Variants in PAX6 observed in about 807,000 individuals in gnomAD.
The protein encoded by PAX6 is paired box protein Pax-6.
A neutral mutation model predicts 60.7 loss-of-function variants in PAX6; 7 were observed. The ratio of observed to expected loss-of-function variants is 0.12; its 90% confidence interval spans 0.07 to 0.22. PAX6 has a LOEUF of 0.22. Among genes scored for constraint, PAX6 ranks in the 10% least tolerant of loss-of-function variants. PAX6 has a pLI of 1.00. For synonymous variants in PAX6, 208 were observed against 201.2 expected (o/e 1.03, Z -0.29); for missense variants, 355 against 555.2 (o/e 0.64, Z 3.62).
Position 31,802,790 on chromosome 11 carries a change from G to T in PAX6, c.55C>A (p.Arg19=), listed in dbSNP as rs1263617876. ...TGCCGGGTGGAGTCCGGCAGTGGCC[G>T]CCCGTTGACAAAGACACCACCGAGC... The part of the protein sequence containing the change: ...NQLGGVFVNG[R]PLPDSTRQKI... Residue 19 remains arginine (R), a synonymous_variant, in exon 5 of 14, where the codon CGG becomes AGG. Transcript: ENST00000640368. The T allele has an allele frequency of 3.1e-6, 5 of 1,613,840 alleles. No individual in the cohort carries two copies. In the African/African-American group the frequency reaches 4.0e-5, roughly 13 times the overall value.
chr11:31,791,129 A>C (rs1029130263), intron 12 of PAX6: 1 of 526,000 alleles, frequency 1.9e-6, no homozygotes, highest in Non-Finnish European at 3.5e-6. Context: ...GCCACTATCC[A>C]TAAATTAATA....
chr11:31,797,207 C>T (rs904756172), intron 8 of PAX6, among the ~76,000 whole-genome samples: 3 of 152,030 alleles, frequency 2.0e-5, no homozygotes, highest in African/African-American at 7.2e-5. Flanking sequence ...CCATGCCTTC[C>T]TAGGGGCCCC....
chr11:31,793,843 G>A lies in PAX6; in HGVS notation c.808-41C>T, dbSNP rs368582678. The A allele has an allele frequency of 2.2e-4, 353 of 1,613,044 alleles. 1 individual carries two copies. In the South Asian group the frequency reaches 3.4e-3, roughly 15 times the overall value. Reference sequence around the variant, plus strand: ...GACAGGTTAGCACTGTGTCTACGTCGAGCCCAGCCCCACCTTGGCACCTCC... The same window carrying A: ...GACAGGTTAGCACTGTGTCTACGTCAAGCCCAGCCCCACCTTGGCACCTCC... On this transcript the variant is annotated intron_variant, in intron 10 of 13. Coordinates refer to ENST00000640368, the MANE Select transcript of PAX6 (RefSeq NM_001368894.2).
chr11:31,796,136 G>T (rs190480856), intron 8 of PAX6, among the ~76,000 whole-genome samples: 69 of 152,338 alleles, frequency 4.5e-4, no homozygotes, highest in Middle Eastern at 6.8e-3. Flanking sequence ...CATCGGCACT[G>T]GCCACCATAT....
At chr11:31,817,197 C>G (rs536349766) in intron 1 of PAX6, among the ~76,000 whole-genome samples, 1 of 152,392 alleles carries the variant, frequency 6.6e-6, no homozygotes. Context: ...CGAAGTGAAG[C>G]TCAAATCACA....
chr11:31,808,107 TA>T, intron 2 of PAX6: 1 of 152,058 alleles, frequency 6.6e-6, no homozygotes, highest in South Asian at 2.1e-4. Context: ...CAAAAAGAGG[TA>T]AAATAACAAA....
In PAX6 at chr11:31,789,705, G is replaced by C. The variant is rs1220353536; in HGVS notation, c.*229C>G. The C allele has an allele frequency of 1.1e-5, 8 of 702,780 alleles. No individual in the cohort carries two copies. The highest frequency in any genetic ancestry group is 1.0e-4 in the South Asian group (7 of 67,220). 43.5% of individuals were successfully genotyped at this position (702,780 alleles called of 1,614,324 possible). A position where few individuals can be genotyped will look rare whatever the true frequency, so the allele number is the denominator to read the frequency against. ...ATACACCAAAATGAATAAAAGTTTG[G>C]ATACCAAAATGAAGATTTGTTCCAA... On this transcript the variant is annotated 3_prime_UTR_variant, in exon 14 of 14. Coordinates refer to ENST00000640368, the MANE Select transcript of PAX6 (RefSeq NM_001368894.2).
At chr11:31,802,569 TG>T in intron 5 of PAX6, 134 bp downstream of exon 5, 3 of 633,014 alleles carry the variant, frequency 4.7e-6, no homozygotes, top group Non-Finnish European at 6.9e-6. Context: ...GGGGAGTGGG[TG>T]GGGGGACTGG....
In PAX6 at chr11:31,800,447, G is replaced by C. The variant is rs562357946; in HGVS notation, c.565+244C>G. On this transcript the variant is annotated intron_variant, in intron 8 of 13. Transcript: ENST00000640368. ...CAGTGCTGCCCACAAACACACACACGCACCCACCAGCCACCTTCATACCGC... is the reference window on the plus strand; with the variant it reads ...CAGTGCTGCCCACAAACACACACACCCACCCACCAGCCACCTTCATACCGC... The C allele has an allele frequency of 5.0e-6, 3 of 603,286 alleles. No homozygotes were observed. The East Asian group carries it at 8.7e-5, about 18-fold the overall frequency. The allele number at this position is 603,286 out of a possible 1,614,324, so 37.4% of individuals were successfully genotyped here.
chr11:31,809,322 C>T (rs1427618343), intron 2 of PAX6: 5 of 152,234 alleles, frequency 3.3e-5, no homozygotes, highest in African/African-American at 1.2e-4. Flanking sequence ...AAGCTCTTTG[C>T]CTTTCATTTC....
At chr11:31,811,582 G>A (rs1466988957), upstream of PAX6, 1 of 198,330 alleles carries the variant, frequency 5.0e-6, no homozygotes, top group Non-Finnish European at 1.0e-5. Flanking sequence ...CCCTGCTGCC[G>A]CGAACTTGAG....
chr11:31,798,828 C>T (rs1275304429), intron 8 of PAX6, among the ~76,000 whole-genome samples: 2 of 152,214 alleles, frequency 1.3e-5, no homozygotes, highest in African/African-American at 4.8e-5. Context: ...GACGAAAATC[C>T]GCCCGAATCG....
At chr11:31,790,116 A>AAAAAAAAAAAT in intron 13 of PAX6, 97 bp from the exon 14 acceptor site, 1 of 779,214 alleles carries the variant, frequency 1.3e-6, no homozygotes. Context: ...AAAAAAAAAA[A>AAAAAAAAAAAT]AAAACTAATA....
chr11:31,811,984 C>A (rs1016264623), upstream of PAX6: 1 of 152,314 alleles, frequency 6.6e-6, no homozygotes, highest in Non-Finnish European at 1.5e-5. Context: ...ATCCTCCACC[C>A]CGCTCTCCCC....
At chr11:31,810,487 G>A (rs1477689092) in intron 2 of PAX6, 1 of 180,526 alleles carries the variant, frequency 5.5e-6, no homozygotes, top group Non-Finnish European at 1.1e-5. Flanking sequence ...GGGAGCATTG[G>A]GCGACGCTGG....
chr11:31,812,294 C>CTGTGTG (rs1185164641), upstream of PAX6: 7 of 108,224 alleles, frequency 6.5e-5, no homozygotes, highest in African/African-American at 3.0e-4. Flanking sequence ...GGGATTCTCT[C>CTGTGTG]TCTCTCTCTG....
rs1049560370 is a variant in PAX6, at chr11:31,800,700, G to T, written c.556C>A (p.Pro186Thr). The change falls in exon 8 of 14, where the codon CCT becomes ACT. Residue 186 changes from proline (P) to threonine (T), a missense_variant. Coordinates refer to ENST00000640368, the MANE Select transcript of PAX6 (RefSeq NM_001368894.2). ...GCTGCTTGGGTTTTACCTTGCGTAG[G>T]TTGCCCTGGCACCGAAGTCCCCGGA... ...WYPGTSVPGQ[P>T]TQDGCQQQEG... is the part of the protein sequence containing the mutation. The T allele has an allele frequency of 1.2e-6, 2 of 1,614,078 alleles. No homozygotes were observed. Among genetic ancestry groups the T allele is most frequent in the East Asian group, 2.2e-5 (1 of 44,860 alleles).
intron 12 of PAX6, chr11:31,791,186 C>A (rs540477313): frequency 2.4e-6 from 1 of 415,900 alleles, no homozygotes; most frequent in African/African-American, 2.0e-5. Flanking sequence ...GAACCTATAG[C>A]ATGAGGACCT....
chr11:31,801,916 T>C lies in PAX6; in HGVS notation c.142-4A>G. 2 of 1,613,082 alleles carry C rather than the reference T, an allele frequency of 1.2e-6. 1 individual carries two copies. Among genetic ancestry groups the C allele is most frequent in the South Asian group, 2.2e-5 (2 of 91,024 alleles). ...GGACTTTTGCATCTGCATGGGTCTATAACACAAAAATATACCTTCAATGGT... is the reference window on the plus strand; with the variant it reads ...GGACTTTTGCATCTGCATGGGTCTACAACACAAAAATATACCTTCAATGGT... On this transcript the variant is annotated splice_region_variant and splice_polypyrimidine_tract_variant and intron_variant, in intron 5 of 13. Transcript: ENST00000640368.
Sources: allele counts gnomAD v4.1 joint callset (sites outside exome capture counted in the v4.1 genomes callset), GRCh38; gene constraint gnomAD v4.1.1; transcripts MANE v1.5; gene names NCBI Gene and HGNC (gene_info 2026-07-23, HGNC 2026-07-21).